The following FBXO33 variants were observed in gnomAD, a reference collection of about 807,000 sequenced individuals.
FBXO33 encodes the protein F-box protein 33, also known as F-box only protein 33.
FBXO33 carries 22 observed loss-of-function variants against 46.3 expected under a neutral mutation model. The ratio of observed to expected loss-of-function variants is 0.48; its 90% CI spans 0.34 to 0.68. FBXO33 has a LOEUF of 0.68. Among genes scored for constraint, FBXO33 ranks in the 30% least tolerant of loss-of-function variants. The probability of loss-of-function intolerance (pLI) is 0.01; values close to 1 mark genes in which losing one functional copy is unlikely to be tolerated. For synonymous variants in FBXO33, 337 were observed against 291.3 expected (o/e 1.16, Z -1.60); for missense variants, 692 against 708.8 (o/e 0.98, Z 0.27).
At chr14:39,428,944 T>C (rs7140854) in intron 1 of FBXO33, among the ~76,000 whole-genome samples, 12,971 of 152,206 alleles carry the variant, frequency 0.085, 1,813 homozygotes, top group African/African-American at 0.29. Flanking sequence ...GAGAAGGAAT[T>C]TCTGAAACGT....
At chr14:39,411,871 A>G (rs1354848264) in intron 1 of FBXO33, among the ~76,000 whole-genome samples, 1 of 152,150 alleles carries the variant, frequency 6.6e-6, no homozygotes, top group East Asian at 1.9e-4. Flanking sequence ...ATATATTTGT[A>G]AATTTTCCTT....
intron 1 of FBXO33, among the ~76,000 whole-genome samples, chr14:39,409,043 G>A (rs188487910): frequency 3.6e-4 from 54 of 151,920 alleles, no homozygotes; most frequent in African/African-American, 1.2e-3. Context: ...TCTTCAGCTT[G>A]CTTTTTAATT....
Position 39,401,226 on chromosome 14 carries a change from A to G in FBXO33, c.1346T>C (p.Leu449Ser), listed in dbSNP as rs1369909304. 6.2e-7 allele frequency: 1 copy of G among 1,612,376 alleles called. No individual in the cohort carries two copies. The highest frequency in any genetic ancestry group is 8.5e-7 in the Non-Finnish European group (1 of 1,179,320). The change falls in exon 3 of 4, where the codon TTG becomes TCG. Residue 449 changes from leucine to serine, a missense_variant. Leu to Ser is a moderately radical substitution (Grantham distance 145). This residue lies in a region of FBXO33 where 186 missense variants were observed against 246.1 expected (regional missense o/e 0.76). Transcript: ENST00000298097. ...TGTGCACCTCCATGCTAATAAAACC[A>G]ACGGATCTTCATTTCGGTTGTCACT... ...DLSDNRNEDP[L>S]VLLAWRCTKL...
rs2075537794 is a variant in FBXO33 at position 39,430,452 on chromosome 14, T to C, written c.599+1112A>G. On this transcript the variant is annotated intron_variant, in intron 1 of 3. Coordinates refer to ENST00000298097, the MANE Select transcript of FBXO33 (RefSeq NM_203301.4). Reference sequence around the variant, plus strand: ...CTGCTCTCAACCTTGTTCAACATAATGTTCAGTATATTTACTGCAAAAGGA... The same window carrying C: ...CTGCTCTCAACCTTGTTCAACATAACGTTCAGTATATTTACTGCAAAAGGA... Among the ~76,000 whole-genome samples the C allele has an allele frequency of 2.0e-5, 3 of 152,334 alleles. No homozygotes were observed. The South Asian group carries it at 6.2e-4, about 32-fold the overall frequency.
chr14:39,412,632 T>G (rs2075429081), intron 1 of FBXO33, among the ~76,000 whole-genome samples: 1 of 152,240 alleles, frequency 6.6e-6, no homozygotes, highest in Non-Finnish European at 1.5e-5. Context: ...TCTTCCTTTG[T>G]GATTTGATGA....
chr14:39,408,050 C>A (rs1472537462), intron 1 of FBXO33, among the ~76,000 whole-genome samples: 3 of 152,180 alleles, frequency 2.0e-5, no homozygotes, highest in Non-Finnish European at 4.4e-5. Flanking sequence ...AGGCGATTCT[C>A]TCACCTCAGC....
At chr14:39,404,735 G>A (rs2075385380) in intron 1 of FBXO33, among the ~76,000 whole-genome samples, 1 of 152,184 alleles carries the variant, frequency 6.6e-6, no homozygotes, top group South Asian at 2.1e-4. Flanking sequence ...ATCAAAGCGA[G>A]CTGAAAAGAA....
At chr14:39,409,926 GT>G (rs1018599251) in intron 1 of FBXO33, among the ~76,000 whole-genome samples, 11 of 148,254 alleles carry the variant, frequency 7.4e-5, no homozygotes, top group African/African-American at 1.5e-4. Flanking sequence ...TTTATTAAGA[GT>G]TTTTTTTTTG....
chr14:39,431,999 CGCCGGCT>C lies in FBXO33; in HGVS notation c.157_163del (p.Ser53GlyfsTer21). On this transcript the variant is annotated frameshift_variant, in exon 1 of 4. Coordinates refer to ENST00000298097, the MANE Select transcript of FBXO33 (RefSeq NM_203301.4). LOFTEE classifies it high-confidence loss of function. ...CCCGCACAGAGCCATCCGGCCCCGC[CGCCGGCT>C]GCCGGCTCCCGGCCGCCCCCGCAGT... 12 of 1,425,754 alleles carry C rather than the reference CGCCGGCT, an allele frequency of 8.4e-6. No homozygotes were observed. The highest frequency in any genetic ancestry group is 1.0e-5 in the Non-Finnish European group (11 of 1,102,450). The allele number at this position is 1,425,754 out of a possible 1,614,324, so 88.3% of individuals were successfully genotyped here. A position where few individuals can be genotyped will look rare whatever the true frequency, so the allele number is the denominator to read the frequency against.
intron 1 of FBXO33, among the ~76,000 whole-genome samples, chr14:39,422,249 C>G (rs994803786): frequency 5.3e-5 from 8 of 152,168 alleles, no homozygotes; most frequent in Non-Finnish European, 1.0e-4. Context: ...CAGAGCTAGA[C>G]TCCATCTCCA....
chr14:39,424,399 A>AT (rs1306896615), intron 1 of FBXO33, among the ~76,000 whole-genome samples: 1 of 152,232 alleles, frequency 6.6e-6, no homozygotes, highest in Non-Finnish European at 1.5e-5. Flanking sequence ...AAAAAGCTCT[A>AT]TGATGGCAGG....
At chr14:39,421,298 C>A (rs2075481885) in intron 1 of FBXO33, among the ~76,000 whole-genome samples, 2 of 152,184 alleles carry the variant, frequency 1.3e-5, no homozygotes, top group Non-Finnish European at 2.9e-5. Context: ...GCCCTTATTT[C>A]TTCCCTTTTT....
chr14:39,399,994 G>A (rs1411602780), intron 3 of FBXO33, among the ~76,000 whole-genome samples: 1 of 152,164 alleles, frequency 6.6e-6, no homozygotes, highest in Non-Finnish European at 1.5e-5. Flanking sequence ...TAGAAGTTGT[G>A]TTCAAGAGTT....
intron 1 of FBXO33, among the ~76,000 whole-genome samples, chr14:39,420,645 T>C (rs2139416372): frequency 6.6e-6 from 1 of 152,016 alleles, no homozygotes; most frequent in South Asian, 2.1e-4. Context: ...AGGCCGAGAT[T>C]GCGTCACTGC....
Position 39,399,665 on chromosome 14 carries a change from C to T in FBXO33, c.1519G>A (p.Val507Ile). 1 of 1,614,058 alleles carries T rather than the reference C, an allele frequency of 6.2e-7. No homozygotes were observed. Among genetic ancestry groups the T allele is most frequent in the African/African-American group, 1.3e-5 (1 of 75,066 alleles). ...TCAATAAGGTTATGCACTGGATCTA[C>T]ATCCTGGTCGGCCAGTTCACCTTGG... is the stretch of plus-strand genomic sequence containing the variant. Reference protein sequence around the residue: ...FDQGELADQDVDPVHNLIEQV... With the variant: ...FDQGELADQDIDPVHNLIEQV... Residue 507 changes from valine to isoleucine, a missense_variant, in exon 4 of 4, where the codon GTA (valine) becomes ATA (isoleucine). Coordinates refer to ENST00000298097, the MANE Select transcript of FBXO33 (RefSeq NM_203301.4).
intron 1 of FBXO33, among the ~76,000 whole-genome samples, chr14:39,408,172 T>C (rs1162158535): frequency 6.6e-6 from 1 of 152,100 alleles, no homozygotes; most frequent in Non-Finnish European, 1.5e-5. Context: ...CTTGAACTCC[T>C]GGACTCAACC....
At chr14:39,403,464 T>C (rs1359010818) in intron 1 of FBXO33, among the ~76,000 whole-genome samples, 2 of 152,134 alleles carry the variant, frequency 1.3e-5, no homozygotes, top group Non-Finnish European at 1.5e-5. Flanking sequence ...GGCGTGGTGG[T>C]ACATGCCTGG....
At chr14:39,420,787 T>A (rs965400875) in intron 1 of FBXO33, among the ~76,000 whole-genome samples, 12 of 152,194 alleles carry the variant, frequency 7.9e-5, no homozygotes, top group African/African-American at 2.9e-4. Context: ...TTCATGTGTC[T>A]AGTTTTAGTG....
intron 1 of FBXO33, among the ~76,000 whole-genome samples, chr14:39,403,767 G>A (rs1365741102): frequency 6.6e-6 from 1 of 151,226 alleles, no homozygotes; most frequent in Non-Finnish European, 1.5e-5. Context: ...ATCTACAACA[G>A]TGATACAAGA....
Sources: gnomAD v4.1 joint callset for allele counts (sites outside exome capture counted in the v4.1 genomes callset) on GRCh38, gnomAD v4.1.1 for gene constraint, gnomAD v4.1.1 regional missense constraint, MANE v1.5 for transcripts, NCBI Gene and HGNC (gene_info 2026-07-23, HGNC 2026-07-21) for gene names.